Variants in MEF2C observed in about 807,000 individuals in gnomAD.
The protein encoded by MEF2C is myocyte-specific enhancer factor 2C.
In MEF2C, 6 loss-of-function variants were observed where a neutral mutation model predicts 50.5. The ratio of observed to expected loss-of-function variants is 0.12; its 90% confidence interval spans 0.07 to 0.23. The LOEUF is 0.23. MEF2C is among the 10% of genes least tolerant of loss of function. The pLI is 1.00. For missense variants in MEF2C, 276 were observed against 605.0 expected (o/e 0.46, Z 5.70); for synonymous variants, 183 against 228.0 (o/e 0.80, Z 1.78).
chr5:88,742,201 C>T, intron 6 of MEF2C: 4 of 985,090 alleles, frequency 4.1e-6, no homozygotes, highest in Non-Finnish European at 4.8e-6. Flanking sequence ...CATCTGCTCT[C>T]TACTGATGCA....
chr5:88,880,609 G>T (rs1249619765), intron 1 of MEF2C, among the ~76,000 whole-genome samples: 1 of 152,148 alleles, frequency 6.6e-6, no homozygotes, highest in Non-Finnish European at 1.5e-5. Context: ...GTATTTATTA[G>T]AAAGATACGT....
chr5:88,843,353 CA>C (rs141225894), intron 1 of MEF2C: 15 of 982,762 alleles, frequency 1.5e-5, no homozygotes, highest in South Asian at 4.7e-5. Flanking sequence ...TGGTTCCCCC[CA>C]AAAAAAACCC....
chr5:88,743,499 T>C lies in MEF2C; in HGVS notation c.637+5571A>G, dbSNP rs563743831. The C allele has an allele frequency of 5.1e-6, 5 of 984,856 alleles. No homozygotes were observed. The South Asian group carries it at 1.9e-4, about 37-fold the overall frequency. The allele number at this position is 984,856 out of a possible 1,614,324, so 61.0% of individuals were successfully genotyped here. A position where few individuals can be genotyped will look rare whatever the true frequency, so the allele number is the denominator to read the frequency against. Reference sequence around the variant, plus strand: ...CACTTAGTTCTATTTTGTAATATGCTAAGTTTTTTCTTTTTCAATGCTAGA... The same window carrying C: ...CACTTAGTTCTATTTTGTAATATGCCAAGTTTTTTCTTTTTCAATGCTAGA... On this transcript the variant is annotated intron_variant, in intron 6 of 10. Transcript: ENST00000504921.
At chr5:88,798,599 C>T (rs527750684) in intron 3 of MEF2C, among the ~76,000 whole-genome samples, 1 of 152,084 alleles carries the variant, frequency 6.6e-6, no homozygotes, top group Non-Finnish European at 1.5e-5. Flanking sequence ...TCCTTTAGCT[C>T]GGAGGAGTTT....
At chr5:88,734,188 G>A in intron 6 of MEF2C, 1 of 985,090 alleles carries the variant, frequency 1.0e-6, no homozygotes, top group Non-Finnish European at 1.2e-6. Context: ...GATAAAAAGA[G>A]AATAAGAACA....
chr5:88,733,603 C>A, intron 6 of MEF2C: 4 of 985,340 alleles, frequency 4.1e-6, no homozygotes, highest in Non-Finnish European at 4.8e-6. Flanking sequence ...TTTATGGGAA[C>A]ATCTTTAGAA....
In MEF2C at chr5:88,720,335, G is replaced by T. The variant is rs1303156856; in HGVS notation, c.*2269C>A. 1 of 83,116 alleles carries T rather than the reference G, an allele frequency of 1.2e-5. No individual in the cohort carries two copies. The highest frequency in any genetic ancestry group is 7.3e-4 in the East Asian group (1 of 1,362). 5.1% of individuals were successfully genotyped at this position (83,116 alleles called of 1,614,324 possible). On this transcript the variant is annotated 3_prime_UTR_variant, in exon 11 of 11. Transcript: ENST00000504921. ...TGGGATATATATGAAATGGTTGATA[G>T]ATTTTTTTTTTTTAATATATAAAAC...
At chr5:88,833,488 T>A (rs1358173509) in intron 1 of MEF2C, among the ~76,000 whole-genome samples, 2 of 152,112 alleles carry the variant, frequency 1.3e-5, no homozygotes, top group African/African-American at 4.8e-5. Flanking sequence ...GCCCAAATCC[T>A]GCCATTACTC....
intron 1 of MEF2C, among the ~76,000 whole-genome samples, chr5:88,865,461 CT>C (rs1466157143): frequency 3.9e-5 from 6 of 152,240 alleles, no homozygotes; most frequent in African/African-American, 1.2e-4. Context: ...AGGAATATTA[CT>C]AATAAGTTTA....
intron 6 of MEF2C, chr5:88,736,530 A>C (rs1386695648): frequency 2.4e-6 from 2 of 848,930 alleles, no homozygotes; most frequent in East Asian, 1.2e-4. Flanking sequence ...AAAAAAAAAT[A>C]TTTCAGCAAC....
intron 2 of MEF2C, among the ~76,000 whole-genome samples, chr5:88,810,907 G>T (rs1187065601): frequency 6.6e-6 from 1 of 151,924 alleles, no homozygotes; most frequent in Non-Finnish European, 1.5e-5. Context: ...TAGAAAGCTG[G>T]GTCACAATCA....
At chr5:88,890,662 AAAAGAAAG>A (rs912737557) in intron 1 of MEF2C, among the ~76,000 whole-genome samples, 1 of 152,194 alleles carries the variant, frequency 6.6e-6, no homozygotes, top group Non-Finnish European at 1.5e-5. Flanking sequence ...GCTGGTTAAA[AAAAGAAAG>A]AAAGAAAGAA....
At chr5:88,812,672 C>A (rs1026681029) in intron 2 of MEF2C, among the ~76,000 whole-genome samples, 4 of 152,060 alleles carry the variant, frequency 2.6e-5, no homozygotes, top group Admixed American at 2.0e-4. Flanking sequence ...TCTCTTTGAA[C>A]TTATTCTTTA....
At chr5:88,781,811 A>G (rs908420013) in intron 3 of MEF2C, among the ~76,000 whole-genome samples, 2 of 152,096 alleles carry the variant, frequency 1.3e-5, no homozygotes, top group Admixed American at 1.3e-4. Flanking sequence ...CGTATCTACT[A>G]AAAATACAAA....
intron 2 of MEF2C, among the ~76,000 whole-genome samples, chr5:88,811,916 C>T (rs1284622298): frequency 1.3e-5 from 2 of 152,036 alleles, no homozygotes; most frequent in African/African-American, 4.8e-5. Flanking sequence ...TGTGCCCTTG[C>T]GTAAAATTGC....
chr5:88,728,229 A>G lies in MEF2C; in HGVS notation c.1100+264T>C, dbSNP rs954548556. Among the ~76,000 whole-genome samples, 10 of 152,148 alleles carry G rather than the reference A, an allele frequency of 6.6e-5. No individual in the cohort carries two copies. In the East Asian group the frequency reaches 1.7e-3, roughly 26 times the overall value. On this transcript the variant is annotated intron_variant, in intron 10 of 10. Coordinates refer to ENST00000504921, the MANE Select transcript of MEF2C (RefSeq NM_002397.5). ...TGTGTGAAAACTAAATAAAAATTAT[A>G]TCACTGATAGAAGTGGAAACAAATG...
intron 10 of MEF2C, among the ~76,000 whole-genome samples, chr5:88,727,424 AT>A (rs1759338061): frequency 6.6e-6 from 1 of 152,152 alleles, no homozygotes; most frequent in African/African-American, 2.4e-5. Flanking sequence ...CTAAATCACT[AT>A]CATGTGAAAG....
At chr5:88,859,708 C>CG (rs1824825899) in intron 1 of MEF2C, among the ~76,000 whole-genome samples, 1 of 152,162 alleles carries the variant, frequency 6.6e-6, no homozygotes, top group Admixed American at 6.5e-5. Context: ...GCTCAACGAG[C>CG]AAAAACTCTT....
intron 1 of MEF2C, among the ~76,000 whole-genome samples, chr5:88,830,075 G>C (rs1027617433): frequency 6.6e-6 from 1 of 151,942 alleles, no homozygotes; most frequent in African/African-American, 2.4e-5. Context: ...TAGCAATTCT[G>C]ACAGATAATG....
Sources: allele counts gnomAD v4.1 joint callset (sites outside exome capture counted in the v4.1 genomes callset), GRCh38; gene constraint gnomAD v4.1.1; transcripts MANE v1.5; gene names NCBI Gene and HGNC (gene_info 2026-07-23, HGNC 2026-07-21).